Variants in ADAMTS9 observed in about 807,000 individuals in gnomAD.
ADAMTS9 encodes ADAM metallopeptidase with thrombospondin type 1 motif 9.
Under a neutral mutation model 257.1 loss-of-function variants are expected in ADAMTS9, and 107 were observed. That is an observed-to-expected ratio of 0.42 (90% CI 0.36 to 0.49). The LOEUF (loss-of-function observed/expected upper bound fraction) is 0.49, where lower values mean the gene tolerates loss of function less well. Ranked by LOEUF, ADAMTS9 falls within the 20% of genes least tolerant of loss-of-function variation. The pLI, the probability that ADAMTS9 is intolerant of heterozygous loss-of-function variation, is 0.03. For missense variants in ADAMTS9, 2,353 were observed against 2,469.1 expected (o/e 0.95, Z 1.00); for synonymous variants, 982 against 880.9 (o/e 1.11, Z -2.03).
In ADAMTS9 at chr3:64,615,140, G is replaced by C. The variant is rs139011348; in HGVS notation, c.3189+181C>G. 5.6e-4 allele frequency: 385 copies of C among 686,978 alleles called. 4 individuals carry two copies. The East Asian group carries it at 8.9e-3, about 16-fold the overall frequency. The allele number at this position is 686,978 out of a possible 1,614,324, so 42.6% of individuals were successfully genotyped here. A position where few individuals can be genotyped will look rare whatever the true frequency, so the allele number is the denominator to read the frequency against. ...GTGCCCTGAGGTCACTGGTAGACTA[G>C]TTACATCCAGTACGACAGTCATGGT... On this transcript the variant is annotated intron_variant, in intron 21 of 39. Coordinates refer to ENST00000498707, the MANE Select transcript of ADAMTS9 (RefSeq NM_182920.2).
chr3:64,610,981 C>G (rs995579686), intron 22 of ADAMTS9, among the ~76,000 whole-genome samples: 1 of 146,950 alleles, frequency 6.8e-6, no homozygotes, highest in Non-Finnish European at 1.5e-5. Context: ...GAGGCTGAGG[C>G]AGGAGAATCG....
chr3:64,596,288 C>A (rs1461365270), intron 27 of ADAMTS9, among the ~76,000 whole-genome samples: 2 of 152,178 alleles, frequency 1.3e-5, no homozygotes, highest in East Asian at 3.9e-4. Flanking sequence ...CCCTATCAGT[C>A]GTCACAGGCA....
At chr3:64,527,090 G>T (rs1405919197) in intron 38 of ADAMTS9, among the ~76,000 whole-genome samples, 1 of 152,100 alleles carries the variant, frequency 6.6e-6, no homozygotes, top group Non-Finnish European at 1.5e-5. Flanking sequence ...GCCACACGGA[G>T]CAAGTAAATA....
chr3:64,592,231 A>G (rs915324736), intron 28 of ADAMTS9: 2 of 152,228 alleles, frequency 1.3e-5, no homozygotes, highest in African/African-American at 4.8e-5. Context: ...GAGGCTTCGC[A>G]TATTTGAATA....
intron 29 of ADAMTS9, among the ~76,000 whole-genome samples, chr3:64,564,819 T>A (rs2083502259): frequency 6.6e-6 from 1 of 152,082 alleles, no homozygotes; most frequent in Non-Finnish European, 1.5e-5. Context: ...ATACCTCTGA[T>A]ACTTCCCAAT....
chr3:64,540,451 A>C (rs1205161054), intron 36 of ADAMTS9, among the ~76,000 whole-genome samples: 1 of 152,194 alleles, frequency 6.6e-6, no homozygotes, highest in African/African-American at 2.4e-5. Flanking sequence ...AAATCAGCCC[A>C]CACACAGGCT....
At chr3:64,584,746 G>A (rs1288324415) in intron 28 of ADAMTS9, among the ~76,000 whole-genome samples, 1 of 151,824 alleles carries the variant, frequency 6.6e-6, no homozygotes, top group Admixed American at 6.6e-5. Flanking sequence ...CACCACATTT[G>A]CTCCCCCCAT....
chr3:64,643,886 G>C (rs980931483), intron 11 of ADAMTS9, among the ~76,000 whole-genome samples: 5 of 151,936 alleles, frequency 3.3e-5, no homozygotes, highest in Admixed American at 2.0e-4. Context: ...CACGTGGCTG[G>C]TGGCCACCAT....
intron 28 of ADAMTS9, among the ~76,000 whole-genome samples, chr3:64,578,437 A>C (rs1432948283): frequency 6.6e-6 from 1 of 152,220 alleles, no homozygotes; most frequent in Non-Finnish European, 1.5e-5. Flanking sequence ...AATTCAAATG[A>C]TTCCTACACT....
chr3:64,637,630 G>A (rs186457447), intron 12 of ADAMTS9, among the ~76,000 whole-genome samples: 21 of 152,300 alleles, frequency 1.4e-4, no homozygotes, highest in Admixed American at 2.0e-4. Flanking sequence ...CAACTTCTAC[G>A]TTTAGGTACG....
intron 37 of ADAMTS9, among the ~76,000 whole-genome samples, chr3:64,538,874 G>A (rs749949298): frequency 2.6e-5 from 4 of 151,934 alleles, no homozygotes; most frequent in South Asian, 2.1e-4. Context: ...CTAGCACTCC[G>A]CTGACTGTAC....
rs766845570 is a variant in ADAMTS9 at position 64,561,767 on chromosome 3, A to G, written c.4525-16T>C. The G allele has an allele frequency of 2.3e-5, 33 of 1,412,920 alleles. No individual in the cohort carries two copies. In the Admixed American group the frequency reaches 6.6e-4, roughly 28 times the overall value. The allele number at this position is 1,412,920 out of a possible 1,614,324, so 87.5% of individuals were successfully genotyped here. ...ACACAGAGCACTAAGAAGACAGAGA[A>G]CGTAAGTGGGAGCTTCGGCTCATTT... On this transcript the variant is annotated splice_polypyrimidine_tract_variant and intron_variant, in intron 29 of 39. Coordinates refer to ENST00000498707, the MANE Select transcript of ADAMTS9 (RefSeq NM_182920.2).
intron 11 of ADAMTS9, 34 bp downstream of exon 11, chr3:64,647,906 C>G (rs1256932255): frequency 1.3e-6 from 2 of 1,592,360 alleles, no homozygotes; most frequent in Non-Finnish European, 1.7e-6. Flanking sequence ...CATTTCTGCC[C>G]TAAGACAGAA....
intron 30 of ADAMTS9, among the ~76,000 whole-genome samples, chr3:64,556,204 G>T (rs986026943): frequency 6.6e-6 from 1 of 152,206 alleles, no homozygotes; most frequent in Non-Finnish European, 1.5e-5. Context: ...CAGCAGCGAG[G>T]TGAGCAGTTC....
At chr3:64,635,151 G>A (rs771864999) in intron 12 of ADAMTS9, among the ~76,000 whole-genome samples, 1 of 152,176 alleles carries the variant, frequency 6.6e-6, no homozygotes, top group Non-Finnish European at 1.5e-5. Context: ...CACCGAGGCA[G>A]GACTCAGTGC....
At chr3:64,523,516 C>G (rs76182189) in intron 38 of ADAMTS9, among the ~76,000 whole-genome samples, 1 of 152,130 alleles carries the variant, frequency 6.6e-6, no homozygotes, top group African/African-American at 2.4e-5. Context: ...TCTGCTAAGA[C>G]GTGTTGACAA....
At chr3:64,539,454 G>A (rs1432804622) in intron 36 of ADAMTS9, among the ~76,000 whole-genome samples, 160 bp from the exon 37 acceptor site, 1 of 152,200 alleles carries the variant, frequency 6.6e-6, no homozygotes, top group Non-Finnish European at 1.5e-5. Flanking sequence ...AATGGATCCA[G>A]ATGCTCACTT....
intron 21 of ADAMTS9, among the ~76,000 whole-genome samples, chr3:64,614,612 G>A (rs1486751646): frequency 1.3e-5 from 2 of 152,090 alleles, no homozygotes; most frequent in Non-Finnish European, 2.9e-5. Flanking sequence ...AAGGAACGTG[G>A]AGTGAGTCCC....
At chr3:64,608,225 T>C (rs1338813788) in intron 22 of ADAMTS9, among the ~76,000 whole-genome samples, 4 of 61,132 alleles carry the variant, frequency 6.5e-5, no homozygotes, top group Non-Finnish European at 1.3e-4. Context: ...CTTTACTTCC[T>C]AAGGAACTAC....
Sources: gnomAD v4.1 joint callset for allele counts (sites outside exome capture counted in the v4.1 genomes callset) on GRCh38, gnomAD v4.1.1 for gene constraint, MANE v1.5 for transcripts, NCBI Gene and HGNC (gene_info 2026-07-23, HGNC 2026-07-21) for gene names.